Variants in CTNNA3 observed in about 807,000 individuals in gnomAD.
CTNNA3 encodes the protein catenin alpha 3, also known as catenin alpha-3.
Under a neutral mutation model 95.7 loss-of-function variants are expected in CTNNA3, and 76 were observed. The observed-to-expected ratio is 0.79, with a 90% CI of 0.66 to 0.96. The LOEUF (loss-of-function observed/expected upper bound fraction) is 0.96, where lower values mean the gene tolerates loss of function less well. Among genes scored for constraint, CTNNA3 ranks in the 40% least tolerant of loss-of-function variants. CTNNA3 has a pLI of 0.00. For missense variants in CTNNA3, 1,191 were observed against 1,089.8 expected (o/e 1.09, Z -1.31); for synonymous variants, 431 against 374.4 (o/e 1.15, Z -1.74).
chr10:66,067,042 G>T (rs941309900), intron 15 of CTNNA3, among the ~76,000 whole-genome samples: 1 of 151,948 alleles, frequency 6.6e-6, no homozygotes, highest in Admixed American at 6.6e-5. Context: ...AGCAGCTTCA[G>T]AAGCAAAAGT....
chr10:66,193,555 A>C (rs1446501739), intron 13 of CTNNA3, among the ~76,000 whole-genome samples: 1 of 152,252 alleles, frequency 6.6e-6, no homozygotes, highest in Non-Finnish European at 1.5e-5. Context: ...AGACTCTAAA[A>C]GAATTTTCAC....
chr10:66,618,302 T>G (rs1214246451), intron 10 of CTNNA3, among the ~76,000 whole-genome samples: 1 of 151,946 alleles, frequency 6.6e-6, no homozygotes, highest in African/African-American at 2.4e-5. Flanking sequence ...GCTACCTGAC[T>G]TCAAACTATA....
At chr10:67,611,453 A>G (rs1843450995) in intron 2 of CTNNA3, among the ~76,000 whole-genome samples, 2 of 152,074 alleles carry the variant, frequency 1.3e-5, no homozygotes, top group Non-Finnish European at 2.9e-5. Context: ...AGCTGGGACT[A>G]CAGGCACCTG....
At chr10:67,194,285 T>C (rs1216910112) in intron 6 of CTNNA3, among the ~76,000 whole-genome samples, 2 of 152,052 alleles carry the variant, frequency 1.3e-5, no homozygotes, top group African/African-American at 4.8e-5. Flanking sequence ...GCAGCTTTAT[T>C]CATAATTGCC....
At chr10:66,196,835 C>T (rs1183259679) in intron 13 of CTNNA3, among the ~76,000 whole-genome samples, 1 of 152,164 alleles carries the variant, frequency 6.6e-6, no homozygotes, top group East Asian at 1.9e-4. Flanking sequence ...GTGTTAGAAT[C>T]TGAGGTAGAT....
At chr10:66,076,991 T>A (rs1248881440) in intron 14 of CTNNA3, among the ~76,000 whole-genome samples, 1 of 151,698 alleles carries the variant, frequency 6.6e-6, no homozygotes, top group Non-Finnish European at 1.5e-5. Flanking sequence ...TAGAGATAAA[T>A]AAAGGTTGTA....
intron 5 of CTNNA3, among the ~76,000 whole-genome samples, chr10:67,404,042 T>A (rs990719119): frequency 6.6e-6 from 1 of 151,528 alleles, no homozygotes; most frequent in African/African-American, 2.4e-5. Context: ...CAAAAACCCA[T>A]CCAAAGGTCA....
chr10:67,129,365 A>T (rs1859877911), intron 7 of CTNNA3, among the ~76,000 whole-genome samples: 1 of 152,170 alleles, frequency 6.6e-6, no homozygotes, highest in African/African-American at 2.4e-5. Flanking sequence ...AAAGTATCTC[A>T]AATCCTGAAA....
At chr10:66,479,769 A>C (rs1409894502) in intron 11 of CTNNA3, among the ~76,000 whole-genome samples, 2 of 135,738 alleles carry the variant, frequency 1.5e-5, no homozygotes. Context: ...GTGTGTTTTT[A>C]ACTGCATCAT....
intron 13 of CTNNA3, among the ~76,000 whole-genome samples, chr10:66,235,704 G>A (rs1201463405): frequency 1.3e-5 from 2 of 152,072 alleles, no homozygotes; most frequent in Non-Finnish European, 2.9e-5. Context: ...GATCCGCCAT[G>A]AACATATCCG....
At chr10:66,901,848 C>A (rs1368429112) in intron 7 of CTNNA3, among the ~76,000 whole-genome samples, 1 of 152,156 alleles carries the variant, frequency 6.6e-6, no homozygotes, top group Non-Finnish European at 1.5e-5. Flanking sequence ...TATGTATGCA[C>A]CCAATACAGG....
chr10:67,521,645 G>C (rs1425463612), intron 5 of CTNNA3, among the ~76,000 whole-genome samples, 197 bp downstream of exon 5: 3 of 152,134 alleles, frequency 2.0e-5, no homozygotes, highest in Non-Finnish European at 4.4e-5. Flanking sequence ...AACCCCTAAA[G>C]TACACATCTA....
At chr10:67,537,266 T>C (rs182916024) in intron 4 of CTNNA3, among the ~76,000 whole-genome samples, 9 of 152,244 alleles carry the variant, frequency 5.9e-5, no homozygotes, top group Admixed American at 5.2e-4. Flanking sequence ...GTTCTAACCA[T>C]TAGAGTAGTT....
chr10:65,930,620 A>G (rs1480521950), intron 17 of CTNNA3, among the ~76,000 whole-genome samples: 2 of 152,224 alleles, frequency 1.3e-5, no homozygotes, highest in Middle Eastern at 6.8e-3. Flanking sequence ...ATAGTAGTTA[A>G]TTTTTTTATT....
At chr10:66,825,279 A>G (rs917907453) in intron 7 of CTNNA3, among the ~76,000 whole-genome samples, 1 of 134,438 alleles carries the variant, frequency 7.4e-6, no homozygotes, top group Non-Finnish European at 1.6e-5. Flanking sequence ...ACATATATAT[A>G]TATATTTTTT....
At chr10:67,242,620 A>G (rs1865758179) in intron 5 of CTNNA3, among the ~76,000 whole-genome samples, 1 of 152,234 alleles carries the variant, frequency 6.6e-6, no homozygotes, top group Admixed American at 6.5e-5. Context: ...CTAATATACT[A>G]GCACAGATGT....
chr10:67,384,069 T>G (rs1333777447), intron 5 of CTNNA3, among the ~76,000 whole-genome samples: 2 of 152,206 alleles, frequency 1.3e-5, no homozygotes, highest in Non-Finnish European at 2.9e-5. Context: ...AACATTACTG[T>G]TTTGCTCCTT....
chr10:65,960,555 T>C (rs1429305614), intron 17 of CTNNA3, among the ~76,000 whole-genome samples: 3 of 152,100 alleles, frequency 2.0e-5, no homozygotes, highest in Non-Finnish European at 4.4e-5. Flanking sequence ...AGGGGGTACA[T>C]GTGCAGTTTT....
intron 10 of CTNNA3, among the ~76,000 whole-genome samples, chr10:66,566,441 G>C (rs1265421582): frequency 2.6e-5 from 4 of 152,180 alleles, no homozygotes; most frequent in Non-Finnish European, 5.9e-5. Context: ...TCTGTGCCCA[G>C]ATTGAAATGC....
Sources: gnomAD v4.1 joint callset for allele counts (sites outside exome capture counted in the v4.1 genomes callset) on GRCh38, gnomAD v4.1.1 for gene constraint, MANE v1.5 for transcripts, NCBI Gene and HGNC (gene_info 2026-07-23, HGNC 2026-07-21) for gene names.